COX6B2: variants seen among roughly 807,000 people sequenced by gnomAD.
COX6B2 encodes cytochrome c oxidase subunit 6B2, also known as COX VIb-2.
COX6B2 carries 12 observed loss-of-function variants against 13.7 expected under a neutral mutation model. That is an observed-to-expected ratio of 0.87 (90% CI 0.56 to 1.41). The LOEUF (loss-of-function observed/expected upper bound fraction) is 1.41, where lower values mean the gene tolerates loss of function less well. Ranked by LOEUF, COX6B2 falls within the 40% of genes most tolerant of loss-of-function variation. The pLI, the probability that COX6B2 is intolerant of heterozygous loss-of-function variation, is 0.00. For synonymous variants in COX6B2, 56 were observed against 46.6 expected (o/e 1.20, Z -0.82); for missense variants, 130 against 118.3 (o/e 1.10, Z -0.46).
rs2089674204 is a variant in COX6B2 at position 55,352,178 on chromosome 19, G to A, written c.*115-1378C>T. ...CCTCTGTGCATTCGTCAAGGCTCTG[G>A]GGACGTTGCATGAACAGGAAGCCCT... On this transcript the variant is annotated intron_variant, in intron 4 of 4. Coordinates refer to ENST00000326529, the MANE Select transcript of COX6B2 (RefSeq NM_144613.5). The surrounding 1 kb of genome is among the most constrained non-coding windows in gnomAD (Gnocchi z 6.2). 6.6e-6 allele frequency: 1 copy of A among 152,140 alleles called. No individual in the cohort carries two copies. The highest frequency in any genetic ancestry group is 1.5e-5 in the Non-Finnish European group (1 of 68,074). 9.4% of individuals were successfully genotyped at this position (152,140 alleles called of 1,614,324 possible).
In COX6B2 at chr19:55,354,517, A is replaced by G; in HGVS notation, c.5T>C (p.Leu2Ser). Residue 2 changes from leucine to serine, a missense_variant, in exon 2 of 5, where the codon TTG (leucine) becomes TCG (serine). Leu to Ser is a moderately radical substitution (Grantham distance 145, BLOSUM62 -2). Transcript: ENST00000326529. MLDVEAQEPPKG... is the reference protein window; with the variant it reads MSDVEAQEPPKG... ...GGGGGGCTCCTGGGCTTCCACATCC[A>G]ACATCCACGAAGGAGGCAACTCCTG... 2 of 1,609,114 alleles carry G rather than the reference A, an allele frequency of 1.2e-6. No individual in the cohort carries two copies. Among genetic ancestry groups the G allele is most frequent in the Non-Finnish European group, 1.7e-6 (2 of 1,176,738 alleles).
In COX6B2 at chr19:55,352,501, C is replaced by T. The variant is rs527303378; in HGVS notation, c.*114+1106G>A. ...AGGTCAAGAAGCTTGTCTAGGGTCA[C>T]CCTGCAAGTTGTCATGATTAGTTGT... On this transcript the variant is annotated intron_variant, in intron 4 of 4. Coordinates refer to ENST00000326529, the MANE Select transcript of COX6B2 (RefSeq NM_144613.5). The surrounding 1 kb of genome is among the most constrained non-coding windows in gnomAD (Gnocchi z 6.2). 1 of 152,238 alleles carries T rather than the reference C, an allele frequency of 6.6e-6. No individual in the cohort carries two copies. The highest frequency in any genetic ancestry group is 2.1e-4 in the South Asian group (1 of 4,828). 9.4% of individuals were successfully genotyped at this position (152,238 alleles called of 1,614,324 possible).
rs1212202339 is a variant in COX6B2 at position 55,352,869 on chromosome 19, G to GCT, written c.*114+737_*114+738insAG. The GCT allele has an allele frequency of 6.6e-6, 1 of 152,462 alleles. No homozygotes were observed. Among genetic ancestry groups the GCT allele is most frequent in the East Asian group, 1.9e-4 (1 of 5,186 alleles). 9.4% of individuals were successfully genotyped at this position (152,462 alleles called of 1,614,324 possible). On this transcript the variant is annotated intron_variant, in intron 4 of 4. Transcript: ENST00000326529. The surrounding 1 kb of genome is among the most constrained non-coding windows in gnomAD (Gnocchi z 6.2). ...CCTCTGGGTGCTGGCAGTCTGGCGG[G>GCT]GGTCACAGGAGAAATTGCGGCGATG...
At chr19:55,354,041 T>G in intron 2 of COX6B2, 75 bp from the exon 3 acceptor site, 7 of 1,278,710 alleles carry the variant, frequency 5.5e-6, no homozygotes, top group Middle Eastern at 2.6e-4. Flanking sequence ...GCTCGGGCCC[T>G]CCCAGTTCTT....
chr19:55,353,716 G>A lies in COX6B2; in HGVS notation c.*5C>T, dbSNP rs753665213. ...GCATCTTCAGAGGAAGCCGCGCTGG[G>A]GCAGTCAGATTTTGCCGGCGAAAAT... On this transcript the variant is annotated 3_prime_UTR_variant, in exon 4 of 5. Coordinates refer to ENST00000326529, the MANE Select transcript of COX6B2 (RefSeq NM_144613.5). The A allele has an allele frequency of 1.2e-6, 2 of 1,609,074 alleles. No homozygotes were observed. The highest frequency in any genetic ancestry group is 1.3e-5 in the African/African-American group (1 of 74,948).
At chr19:55,351,446 G>A (rs992771555) in intron 4 of COX6B2, among the ~76,000 whole-genome samples, 1 of 152,174 alleles carries the variant, frequency 6.6e-6, no homozygotes, top group Non-Finnish European at 1.5e-5. Flanking sequence ...GGGACAGTGA[G>A]CAGGGGAGGC....
intron 2 of COX6B2, 135 bp downstream of exon 2, chr19:55,354,275 G>A (rs1263400008): frequency 3.8e-6 from 3 of 798,628 alleles, no homozygotes; most frequent in East Asian, 5.1e-5. Flanking sequence ...TCTCGACCAG[G>A]CCCCGCCCCC....
chr19:55,350,991 G>T lies in COX6B2; in HGVS notation c.*115-191C>A, dbSNP rs1465264296. 1.3e-5 allele frequency among the ~76,000 whole-genome samples: 2 copies of T among 152,208 alleles called. No individual in the cohort carries two copies. On this transcript the variant is annotated intron_variant, in intron 4 of 4. Coordinates refer to ENST00000326529, the MANE Select transcript of COX6B2 (RefSeq NM_144613.5). The surrounding 1 kb of genome is among the most constrained non-coding windows in gnomAD (Gnocchi z 4.2). Reference sequence around the variant, plus strand: ...TTATGCTGCAAGCTAGTAACCAGATGCCTCCAAGAGCTCCAGGACTGGTTT... The same window carrying T: ...TTATGCTGCAAGCTAGTAACCAGATTCCTCCAAGAGCTCCAGGACTGGTTT...
chr19:55,350,177 G>A lies in COX6B2; in HGVS notation c.*738C>T, dbSNP rs191525963. The A allele has an allele frequency of 2.0e-5, 3 of 152,342 alleles. No individual in the cohort carries two copies. Among genetic ancestry groups the A allele is most frequent in the Non-Finnish European group, 2.9e-5 (2 of 68,070 alleles). The allele number at this position is 152,342 out of a possible 1,614,324, so 9.4% of individuals were successfully genotyped here. A position where few individuals can be genotyped will look rare whatever the true frequency, so the allele number is the denominator to read the frequency against. Reference sequence around the variant, plus strand: ...AATGGTGAGGGCGTTAGAAACTGGCGATCAGGGTTTCCTGGCCTCCGCACT... The same window carrying A: ...AATGGTGAGGGCGTTAGAAACTGGCAATCAGGGTTTCCTGGCCTCCGCACT... On this transcript the variant is annotated 3_prime_UTR_variant, in exon 5 of 5. Transcript: ENST00000326529. The surrounding 1 kb of genome is among the most constrained non-coding windows in gnomAD (Gnocchi z 4.2).
chr19:55,353,811 C>G (rs754739644), intron 3 of COX6B2, 37 bp from the exon 4 acceptor site: 1 of 1,594,506 alleles, frequency 6.3e-7, no homozygotes, highest in Non-Finnish European at 8.5e-7. Context: ...GACGCCGGCT[C>G]AGCCTCGGCC....
Position 55,353,656 on chromosome 19 carries a change from CG to C in COX6B2, c.*64del. 6.6e-7 allele frequency: 1 copy of C among 1,508,632 alleles called. No individual in the cohort carries two copies. The highest frequency in any genetic ancestry group is 9.1e-7 in the Non-Finnish European group (1 of 1,103,520). 93.5% of individuals were successfully genotyped at this position (1,508,632 alleles called of 1,614,324 possible). A position where few individuals can be genotyped will look rare whatever the true frequency, so the allele number is the denominator to read the frequency against. On this transcript the variant is annotated 3_prime_UTR_variant, in exon 4 of 5. Coordinates refer to ENST00000326529, the MANE Select transcript of COX6B2 (RefSeq NM_144613.5). ...GAGGTAGGGGTGGATAACCGAGACC[CG>C]GGGCTCCGCGAGACAAAAAGATGCA... is the stretch of plus-strand genomic sequence containing the variant.
chr19:55,351,113 C>G (rs940230470), intron 4 of COX6B2, among the ~76,000 whole-genome samples: 1 of 152,208 alleles, frequency 6.6e-6, no homozygotes, highest in African/African-American at 2.4e-5. Flanking sequence ...ATTCGAGTGA[C>G]TCAGATTGTC....
rs796742615 is a variant in COX6B2, at chr19:55,353,960, T to C, written c.119A>G (p.His40Arg). ...RNCYQNFLDYHRCLKTRTRRG... is the reference protein window; with the variant it reads ...RNCYQNFLDYRRCLKTRTRRG... ...GCGGGTCCTGGTCTTGAGGCAGCGGTGGTAGTCTGTGGCGGGCGGGGGTCA... is the reference window on the plus strand; with the variant it reads ...GCGGGTCCTGGTCTTGAGGCAGCGGCGGTAGTCTGTGGCGGGCGGGGGTCA... The change falls in exon 3 of 5, where the codon CAC (histidine) becomes CGC (arginine). Residue 40 changes from histidine to arginine, a missense_variant. Physicochemically the swap from His to Arg is conservative, Grantham distance 29 (BLOSUM62 0). Coordinates refer to ENST00000326529, the MANE Select transcript of COX6B2 (RefSeq NM_144613.5). 20 of 1,546,578 alleles carry C rather than the reference T, an allele frequency of 1.3e-5. No individual in the cohort carries two copies. In the African/African-American group the frequency reaches 2.1e-4, roughly 16 times the overall value.
chr19:55,354,361 T>C (rs2089693989), intron 2 of COX6B2, 49 bp downstream of exon 2: 2 of 1,433,356 alleles, frequency 1.4e-6, no homozygotes, highest in African/African-American at 3.4e-5. Flanking sequence ...CTCCCTGCCG[T>C]CCCTTGTCAC....
rs1479317782 is a variant in COX6B2, at chr19:55,354,460, G to A, written c.62C>T (p.Pro21Leu). Reference protein sequence around the residue: ...KGKWSTPPFDPRFPSQNQIRN... With the variant: ...KGKWSTPPFDLRFPSQNQIRN... ...GATCTGGTTCTGGCTGGGGAAGCGC[G>A]GGTCGAAGGGCGGCGTCGACCATTT... Residue 21 changes from proline (P) to leucine (L), a missense_variant, in exon 2 of 5, where the codon CCG becomes CTG. Pro to Leu is a moderately conservative substitution (Grantham distance 98). Transcript: ENST00000326529. The A allele has an allele frequency of 3.1e-6, 5 of 1,613,904 alleles. No individual in the cohort carries two copies. Among genetic ancestry groups the A allele is most frequent in the Non-Finnish European group, 3.4e-6 (4 of 1,179,984 alleles).
chr19:55,354,273 A>AGGCCCCGCCCCCCCCAACCC lies in COX6B2; in HGVS notation c.112+136_112+137insGGGTTGGGGGGGGCGGGGCC, dbSNP rs2089692456. 9.0e-6 allele frequency: 6 copies of AGGCCCCGCCCCCCCCAACCC among 666,468 alleles called. No homozygotes were observed. In the African/African-American group the frequency reaches 1.6e-4, roughly 17 times the overall value. 41.3% of individuals were successfully genotyped at this position (666,468 alleles called of 1,614,324 possible). ...GGCTCAGCCCCGCCTTTTCTCGACCAGGCCCCGCCCCCACCAACCCGGCCC... is the reference window on the plus strand; with the variant it reads ...GGCTCAGCCCCGCCTTTTCTCGACCAGGCCCCGCCCCCCCCAACCCGGCCCCGCCCCCACCAACCCGGCCC... On this transcript the variant is annotated intron_variant, in intron 2 of 4. Coordinates refer to ENST00000326529, the MANE Select transcript of COX6B2 (RefSeq NM_144613.5).
Position 55,353,662 on chromosome 19 carries a change from T to A in COX6B2, c.*59A>T. On this transcript the variant is annotated 3_prime_UTR_variant, in exon 4 of 5. Transcript: ENST00000326529. ...GGGGTGGATAACCGAGACCCGGGGC[T>A]CCGCGAGACAAAAAGATGCAGGATC... 1 of 1,536,128 alleles carries A rather than the reference T, an allele frequency of 6.5e-7. No individual in the cohort carries two copies.
At chr19:55,353,509 A>C (rs907230039) in intron 4 of COX6B2, 98 bp downstream of exon 4, 2 of 604,480 alleles carry the variant, frequency 3.3e-6, no homozygotes, top group Admixed American at 3.0e-5. Context: ...TATCGGAAAA[A>C]GCAGCGTTAG....
At position 55,350,138 on chromosome 19, in the gene COX6B2, A is replaced by C. The variant is rs1452117051; in HGVS notation, c.*777T>G. The C allele has an allele frequency of 6.6e-6, 1 of 152,198 alleles. No individual in the cohort carries two copies. The highest frequency in any genetic ancestry group is 2.4e-5 in the African/African-American group (1 of 41,418). 9.4% of individuals were successfully genotyped at this position (152,198 alleles called of 1,614,324 possible). On this transcript the variant is annotated 3_prime_UTR_variant, in exon 5 of 5. Coordinates refer to ENST00000326529, the MANE Select transcript of COX6B2 (RefSeq NM_144613.5). This position sits in a 1 kb window ranked among gnomAD's most constrained non-coding sequence, Gnocchi z 4.2. ...GCGAAACTCTGTCTCAAAAAAAATA[A>C]AAATAAAAATAAAAATGGTGAGGGC...
Sources: gnomAD v4.1 joint callset for allele counts (sites outside exome capture counted in the v4.1 genomes callset) on GRCh38, gnomAD v4.1.1 for gene constraint, Gnocchi (gnomAD v3.1) non-coding constraint, MANE v1.5 for transcripts, NCBI Gene and HGNC (gene_info 2026-07-23, HGNC 2026-07-21) for gene names.